BICC1: variants seen among roughly 807,000 people sequenced by gnomAD.
BICC1 encodes the protein BicC family RNA binding protein 1, also known as protein bicaudal C homolog 1.
BICC1 carries 43 observed loss-of-function variants against 111.0 expected under a neutral mutation model. That is an observed-to-expected ratio of 0.39 (90% CI 0.30 to 0.50). The LOEUF (loss-of-function observed/expected upper bound fraction) is 0.50, where lower values mean the gene tolerates loss of function less well. Ranked by LOEUF, BICC1 falls within the 20% of genes least tolerant of loss-of-function variation. The pLI, the probability that BICC1 is intolerant of heterozygous loss-of-function variation, is 0.88. For synonymous variants in BICC1, 467 were observed against 434.4 expected (o/e 1.07, Z -0.93); for missense variants, 1,091 against 1,203.2 (o/e 0.91, Z 1.38).
chr10:58,808,075 C>CTT (rs112775737), intron 17 of BICC1, among the ~76,000 whole-genome samples: 1,924 of 142,726 alleles, frequency 0.013, 24 homozygotes, highest in African/African-American at 0.041. Context: ...AAACATGCTG[C>CTT]TTTTTTTTTT....
intron 3 of BICC1, among the ~76,000 whole-genome samples, chr10:58,731,605 A>G (rs941068374): frequency 6.6e-6 from 1 of 152,208 alleles, no homozygotes; most frequent in Admixed American, 6.5e-5. Flanking sequence ...GCTGTGTAGG[A>G]AGCTTGGCAG....
At chr10:58,628,096 A>G (rs1276352827) in intron 2 of BICC1, among the ~76,000 whole-genome samples, 1 of 152,184 alleles carries the variant, frequency 6.6e-6, no homozygotes, top group Non-Finnish European at 1.5e-5. Context: ...AATTATGCCA[A>G]AATGTTAACC....
At chr10:58,668,446 G>A (rs915158327) in intron 2 of BICC1, among the ~76,000 whole-genome samples, 1 of 151,902 alleles carries the variant, frequency 6.6e-6, no homozygotes, top group Non-Finnish European at 1.5e-5. Context: ...GTTTGACCCT[G>A]ACTGAAAAAC....
chr10:58,646,765 A>G (rs896077081), intron 2 of BICC1, among the ~76,000 whole-genome samples: 1 of 145,440 alleles, frequency 6.9e-6, no homozygotes, highest in African/African-American at 2.5e-5. Context: ...TGGGAGATAT[A>G]TGTTCTTTCT....
chr10:58,577,795 A>G (rs1323401620), intron 1 of BICC1, among the ~76,000 whole-genome samples: 1 of 152,220 alleles, frequency 6.6e-6, no homozygotes, highest in Non-Finnish European at 1.5e-5. Flanking sequence ...TGTAATAACA[A>G]TGGTGGAAGC....
chr10:58,810,805 TCTTA>T (rs920546926), intron 17 of BICC1, among the ~76,000 whole-genome samples: 2 of 152,180 alleles, frequency 1.3e-5, no homozygotes, highest in African/African-American at 4.8e-5. Flanking sequence ...CCTTCCTTTT[TCTTA>T]CTTTTTCATT....
At chr10:58,827,664 A>C (rs1844438253) in intron 20 of BICC1, among the ~76,000 whole-genome samples, 1 of 152,204 alleles carries the variant, frequency 6.6e-6, no homozygotes, top group Admixed American at 6.5e-5. Flanking sequence ...CCGATTATTC[A>C]AGACTACTTC....
chr10:58,696,463 C>T (rs1371122312), intron 2 of BICC1, among the ~76,000 whole-genome samples: 2 of 151,894 alleles, frequency 1.3e-5, no homozygotes, highest in Non-Finnish European at 2.9e-5. Context: ...CTGATATTAC[C>T]GTAAGAATGA....
intron 17 of BICC1, 132 bp from the exon 18 acceptor site, chr10:58,813,698 A>C: frequency 3.3e-6 from 3 of 912,160 alleles, no homozygotes; most frequent in Non-Finnish European, 5.1e-6. Context: ...CCCGAGAGTC[A>C]ACACTCATGA....
At chr10:58,646,714 G>A (rs887339121) in intron 2 of BICC1, among the ~76,000 whole-genome samples, 4 of 152,120 alleles carry the variant, frequency 2.6e-5, no homozygotes, top group African/African-American at 7.2e-5. Flanking sequence ...AGGCCATGGA[G>A]ATTCTTGTGA....
At chr10:58,534,409 A>G (rs942043645) in intron 1 of BICC1, among the ~76,000 whole-genome samples, 10 of 151,764 alleles carry the variant, frequency 6.6e-5, no homozygotes, top group Admixed American at 5.3e-4. Context: ...AACCTGCTCA[A>G]CACCAAGCAT....
chr10:58,647,593 A>G (rs1838308011), intron 2 of BICC1, among the ~76,000 whole-genome samples: 1 of 152,146 alleles, frequency 6.6e-6, no homozygotes, highest in African/African-American at 2.4e-5. Context: ...ACTCCTAAAA[A>G]CCATCATCTT....
chr10:58,607,966 G>A (rs1020261120), intron 1 of BICC1, among the ~76,000 whole-genome samples: 1 of 152,182 alleles, frequency 6.6e-6, no homozygotes. Context: ...TCATGGTAAT[G>A]TATGGGACTT....
At chr10:58,823,656 G>A in intron 20 of BICC1, 1 of 985,190 alleles carries the variant, frequency 1.0e-6, no homozygotes, top group Non-Finnish European at 1.2e-6. Context: ...TGCTAAAGGA[G>A]AATGTTGTTT....
chr10:58,800,060 T>A, intron 12 of BICC1, 134 bp from the exon 13 acceptor site: 1 of 628,866 alleles, frequency 1.6e-6, no homozygotes. Context: ...TGTAGATATA[T>A]TTCATCTCCT....
intron 1 of BICC1, among the ~76,000 whole-genome samples, chr10:58,615,211 AGC>A (rs751940563): frequency 1.4e-4 from 22 of 152,154 alleles, no homozygotes; most frequent in Non-Finnish European, 2.8e-4. Flanking sequence ...GTTTTCATTG[AGC>A]TTTAATATTG....
intron 1 of BICC1, among the ~76,000 whole-genome samples, chr10:58,534,774 C>T (rs1842783894): frequency 6.6e-6 from 1 of 151,038 alleles, no homozygotes; most frequent in Non-Finnish European, 1.5e-5. Context: ...GATAAAAATT[C>T]AAAAGGTTGA....
At chr10:58,661,664 T>A (rs1838849196) in intron 2 of BICC1, among the ~76,000 whole-genome samples, 1 of 152,222 alleles carries the variant, frequency 6.6e-6, no homozygotes, top group South Asian at 2.1e-4. Flanking sequence ...TTGGCACAAG[T>A]TGATTCTGCA....
At chr10:58,736,148 A>G (rs1364620196) in intron 3 of BICC1, among the ~76,000 whole-genome samples, 5 of 152,296 alleles carry the variant, frequency 3.3e-5, no homozygotes, top group Admixed American at 1.3e-4. Flanking sequence ...AGGGGATGAA[A>G]TGGAGCAAGA....
Sources: gnomAD v4.1 joint callset for allele counts (sites outside exome capture counted in the v4.1 genomes callset) on GRCh38, gnomAD v4.1.1 for gene constraint, MANE v1.5 for transcripts, NCBI Gene and HGNC (gene_info 2026-07-23, HGNC 2026-07-21) for gene names.